The following MALRD1 variants were observed in gnomAD, a reference collection of about 807,000 sequenced individuals.
The protein encoded by MALRD1 is MAM and LDL receptor class A domain containing 1.
Under a neutral mutation model 242.1 loss-of-function variants are expected in MALRD1, and 247 were observed. The ratio of observed to expected loss-of-function variants is 1.02; its 90% confidence interval spans 0.92 to 1.13. The LOEUF (loss-of-function observed/expected upper bound fraction) is 1.13. Ranked by LOEUF, MALRD1 falls within the 50% of genes most tolerant of loss-of-function variation. The pLI is 0.00. For missense variants in MALRD1, 2,989 were observed against 2,533.1 expected, an observed-to-expected ratio of 1.18 and a Z score of -3.86; for synonymous variants, 995 against 866.6, an observed-to-expected ratio of 1.15 and a Z score of -2.60.
intron 26 of MALRD1, among the ~76,000 whole-genome samples, chr10:19,377,388 T>C (rs1845654155): frequency 6.6e-6 from 1 of 152,174 alleles, no homozygotes. Flanking sequence ...CTTAAGCTAT[T>C]GGTAATATGC....
chr10:19,208,516 A>G (rs1300559951), intron 17 of MALRD1, among the ~76,000 whole-genome samples: 1 of 152,176 alleles, frequency 6.6e-6, no homozygotes, highest in Non-Finnish European at 1.5e-5. Context: ...CTGCCATTGA[A>G]GGATTGTTAC....
chr10:19,133,589 T>G (rs1588593459), intron 8 of MALRD1, among the ~76,000 whole-genome samples: 1 of 152,282 alleles, frequency 6.6e-6, no homozygotes, highest in East Asian at 1.9e-4. Context: ...CGCAGTACTG[T>G]TTTTTTAAAA....
At chr10:19,465,154 A>T (rs1296293754) in intron 29 of MALRD1, among the ~76,000 whole-genome samples, 1 of 152,086 alleles carries the variant, frequency 6.6e-6, no homozygotes, top group Admixed American at 6.5e-5. Flanking sequence ...ATCATCAGCA[A>T]ACAGTGACAG....
At chr10:19,475,632 G>A (rs904678856) in intron 29 of MALRD1, among the ~76,000 whole-genome samples, 2 of 152,036 alleles carry the variant, frequency 1.3e-5, no homozygotes, top group African/African-American at 4.8e-5. Flanking sequence ...CTAAATCTAA[G>A]CAAGTTCAAT....
intron 10 of MALRD1, among the ~76,000 whole-genome samples, chr10:19,142,171 C>CAAAAAAAAAAAAAA (rs529000033): frequency 4.6e-4 from 12 of 26,274 alleles, no homozygotes; most frequent in African/African-American, 2.0e-3. Flanking sequence ...GACTCTAACT[C>CAAAAAAAAAAAAAA]AAAAAAAAAA....
chr10:19,081,587 G>A (rs187396928), intron 2 of MALRD1, among the ~76,000 whole-genome samples: 3 of 152,198 alleles, frequency 2.0e-5, no homozygotes, highest in Admixed American at 6.5e-5. Flanking sequence ...ACACATGGCA[G>A]GGAACAACAG....
At position 19,087,862 on chromosome 10, in the gene MALRD1, C is replaced by T. The variant is rs1222152342; in HGVS notation, c.363C>T (p.Ser121=). The stretch of plus-strand genomic sequence containing the variant: ...TAGCTCACTTCCTCTCACTGGTTTC[C>T]AGAGTGGATTCTATTTCCTCAAGTT... ...DVSAHFLSLV[S]RVDSISSSLR... The change falls in exon 3 of 40, where the codon TCC becomes TCT. Residue 121 remains serine (S), a synonymous_variant. Coordinates refer to ENST00000454679, the MANE Select transcript of MALRD1 (RefSeq NM_001142308.3). 8.1e-7 allele frequency: 1 copy of T among 1,233,024 alleles called. No individual in the cohort carries two copies. Among genetic ancestry groups the T allele is most frequent in the African/African-American group, 1.6e-5 (1 of 64,486 alleles). The allele number at this position is 1,233,024 out of a possible 1,614,324, so 76.4% of individuals were successfully genotyped here.
intron 28 of MALRD1, among the ~76,000 whole-genome samples, chr10:19,396,895 T>C (rs1846608639): frequency 6.6e-6 from 1 of 152,220 alleles, no homozygotes; most frequent in African/African-American, 2.4e-5. Flanking sequence ...AATTATTCCT[T>C]ATCGTATTTA....
chr10:19,247,925 G>A (rs187848642), intron 18 of MALRD1, among the ~76,000 whole-genome samples: 2 of 152,160 alleles, frequency 1.3e-5, no homozygotes, highest in East Asian at 1.9e-4. Flanking sequence ...AGTTCAGAGA[G>A]CTCCACCCAG....
At chr10:19,334,119 GTTTTT>G (rs56931838) in intron 24 of MALRD1, among the ~76,000 whole-genome samples, 4 of 66,780 alleles carry the variant, frequency 6.0e-5, no homozygotes, top group South Asian at 5.6e-4. Context: ...CTGTTGGTAG[GTTTTT>G]TTTTTTTTTT....
intron 28 of MALRD1, among the ~76,000 whole-genome samples, chr10:19,403,113 G>A (rs529154963): frequency 1.3e-5 from 2 of 152,054 alleles, no homozygotes. Context: ...AGGGGAAATT[G>A]GAAGCTGATG....
chr10:19,130,976 A>G (rs1056136287), intron 8 of MALRD1, among the ~76,000 whole-genome samples: 1 of 152,166 alleles, frequency 6.6e-6, no homozygotes, highest in African/African-American at 2.4e-5. Context: ...GATCTAGTGT[A>G]TTAACCAGAA....
chr10:19,340,478 C>CA (rs1053494536), intron 24 of MALRD1, among the ~76,000 whole-genome samples: 2 of 151,288 alleles, frequency 1.3e-5, no homozygotes, highest in African/African-American at 4.9e-5. Context: ...GTTCTTTGAG[C>CA]AAAAAATAGG....
intron 36 of MALRD1, among the ~76,000 whole-genome samples, chr10:19,635,193 A>G (rs923339721): frequency 2.6e-5 from 4 of 152,202 alleles, no homozygotes; most frequent in African/African-American, 9.6e-5. Flanking sequence ...GAAAAACATC[A>G]TAAGGGAGAA....
rs1838556769 is a variant in MALRD1 at position 19,238,488 on chromosome 10, T to C, written c.2992-19196T>C. Among the ~76,000 whole-genome samples, 3 of 8,604 alleles carry C rather than the reference T, an allele frequency of 3.5e-4. No individual in the cohort carries two copies. In the South Asian group the frequency reaches 0.013, roughly 38 times the overall value. 5.6% of individuals were successfully genotyped at this position (8,604 alleles called of 152,430 possible). A position where few individuals can be genotyped will look rare whatever the true frequency, so the allele number is the denominator to read the frequency against. ...AATATAATATATAATATACATTATA[T>C]ATAATATATAATATAATATATAATG... On this transcript the variant is annotated intron_variant, in intron 18 of 39. Coordinates refer to ENST00000454679, the MANE Select transcript of MALRD1 (RefSeq NM_001142308.3).
intron 32 of MALRD1, among the ~76,000 whole-genome samples, chr10:19,534,473 G>A (rs1834563227): frequency 6.6e-6 from 1 of 152,028 alleles, no homozygotes; most frequent in African/African-American, 2.4e-5. Context: ...AGTACTGCAG[G>A]ACCACTCCTT....
intron 28 of MALRD1, among the ~76,000 whole-genome samples, chr10:19,442,260 A>G (rs996140321): frequency 6.6e-6 from 1 of 152,210 alleles, no homozygotes; most frequent in African/African-American, 2.4e-5. Flanking sequence ...TTCTAAATAT[A>G]CAATCATGTC....
At position 19,133,940 on chromosome 10, in the gene MALRD1, A is replaced by T; in HGVS notation, c.1195A>T (p.Thr399Ser). 1 of 1,227,076 alleles carries T rather than the reference A, an allele frequency of 8.1e-7. No homozygotes were observed. The highest frequency in any genetic ancestry group is 1.0e-6 in the Non-Finnish European group (1 of 983,858). The allele number at this position is 1,227,076 out of a possible 1,614,324, so 76.0% of individuals were successfully genotyped here. A position where few individuals can be genotyped will look rare whatever the true frequency, so the allele number is the denominator to read the frequency against. ...TGTGTTAATACCAGAAGATCTGAAG[A>T]CATTTAAGGTATGAAAGAAAAAAAA... ...ADVLIPEDLK[T>S]FKIIFEGTLL... Residue 399 changes from threonine to serine, a missense_variant, in exon 9 of 40, where the codon ACA (threonine) becomes TCA (serine). Physicochemically the swap from Thr to Ser is moderately conservative, Grantham distance 58 (BLOSUM62 1). Coordinates refer to ENST00000454679, the MANE Select transcript of MALRD1 (RefSeq NM_001142308.3).
intron 18 of MALRD1, among the ~76,000 whole-genome samples, chr10:19,227,324 A>T (rs573406834): frequency 6.6e-6 from 1 of 152,122 alleles, no homozygotes; most frequent in Non-Finnish European, 1.5e-5. Flanking sequence ...TAAATAATTT[A>T]GAAATATATC....
Sources: allele counts gnomAD v4.1 joint callset (sites outside exome capture counted in the v4.1 genomes callset), GRCh38; gene constraint gnomAD v4.1.1; transcripts MANE v1.5; gene names NCBI Gene and HGNC (gene_info 2026-07-23, HGNC 2026-07-21).